B3GALT1: variants seen among roughly 807,000 people sequenced by gnomAD.
The protein encoded by B3GALT1 is UDP-Gal:betaGlcNAc beta 1,3-galactosyltransferase, polypeptide 1.
B3GALT1 carries 10 observed loss-of-function variants against 23.2 expected under a neutral mutation model. The observed-to-expected ratio is 0.43, with a 90% CI of 0.27 to 0.73. The LOEUF is 0.73. Among genes scored for constraint, B3GALT1 ranks in the 30% least tolerant of loss-of-function variants. The probability of loss-of-function intolerance (pLI) is 0.21; values close to 1 mark genes in which losing one functional copy is unlikely to be tolerated. For missense variants in B3GALT1, 299 were observed against 405.4 expected (o/e 0.74, Z 2.25); for synonymous variants, 156 against 141.5 (o/e 1.10, Z -0.73).
At chr2:167,863,990 ATGTGTGTGTGTGTGTGTGTG>A (rs34276280) in intron 4 of B3GALT1, among the ~76,000 whole-genome samples, 1 of 143,618 alleles carries the variant, frequency 7.0e-6, no homozygotes, top group Non-Finnish European at 1.5e-5. Flanking sequence ...GCATGTATGT[ATGTGTGTGTGTGTGTGTGTG>A]TGTGTGTGTG....
chr2:167,369,362 C>G (rs1574051813), intron 1 of B3GALT1, among the ~76,000 whole-genome samples: 2 of 151,888 alleles, frequency 1.3e-5, no homozygotes, highest in East Asian at 3.9e-4. Context: ...GAAATCAAAG[C>G]AAAGTTGCTC....
Position 167,509,098 on chromosome 2 carries a change from T to A in B3GALT1, c.-410+18821T>A, listed in dbSNP as rs568850379. ...GAAGAAGTGAGAAGAGCAGTCCCTT[T>A]GGAGCAAAAATACATTGCAATTTAA... On this transcript the variant is annotated intron_variant, in intron 2 of 4. Coordinates refer to ENST00000392690, the MANE Select transcript of B3GALT1 (RefSeq NM_020981.4). Among the ~76,000 whole-genome samples the A allele has an allele frequency of 2.6e-5, 4 of 152,272 alleles. No individual in the cohort carries two copies. The East Asian group carries it at 5.8e-4, about 22-fold the overall frequency.
chr2:167,742,620 C>G (rs2105277735), intron 3 of B3GALT1, among the ~76,000 whole-genome samples: 1 of 152,208 alleles, frequency 6.6e-6, no homozygotes, highest in Admixed American at 6.5e-5. Flanking sequence ...GCATCTAGAA[C>G]TTCATGCTAA....
At chr2:167,803,120 A>ACC (rs1553489043) in intron 3 of B3GALT1, among the ~76,000 whole-genome samples, 2,818 of 136,594 alleles carry the variant, frequency 0.021, 106 homozygotes, top group African/African-American at 0.068. Context: ...ACACACACAC[A>ACC]CCCCTTGGTT....
chr2:167,485,365 T>C (rs1699611864), intron 1 of B3GALT1, among the ~76,000 whole-genome samples: 1 of 152,130 alleles, frequency 6.6e-6, no homozygotes, highest in Non-Finnish European at 1.5e-5. Context: ...TGATGAGGTC[T>C]TCTGTAACTA....
chr2:167,647,328 GA>G (rs1311866366), intron 3 of B3GALT1, among the ~76,000 whole-genome samples: 1 of 152,172 alleles, frequency 6.6e-6, no homozygotes, highest in Non-Finnish European at 1.5e-5. Flanking sequence ...GCATGAACAG[GA>G]AAGGGAAGCC....
intron 3 of B3GALT1, among the ~76,000 whole-genome samples, chr2:167,757,002 C>G (rs577296314): frequency 1.3e-5 from 2 of 152,198 alleles, no homozygotes; most frequent in East Asian, 3.9e-4. Context: ...CAAATCCTAC[C>G]TCTCCTCCAC....
chr2:167,471,980 C>T (rs1699424213), intron 1 of B3GALT1, among the ~76,000 whole-genome samples: 1 of 152,160 alleles, frequency 6.6e-6, no homozygotes, highest in Non-Finnish European at 1.5e-5. Context: ...ACCACAAAAG[C>T]TCACATTTCT....
chr2:167,771,085 G>A (rs991209147), intron 3 of B3GALT1, among the ~76,000 whole-genome samples: 5 of 152,208 alleles, frequency 3.3e-5, no homozygotes, highest in African/African-American at 1.2e-4. Flanking sequence ...CTGGCTGTAT[G>A]TCCTTGGGCA....
intron 3 of B3GALT1, among the ~76,000 whole-genome samples, 75 bp from the exon 4 acceptor site, chr2:167,818,597 T>G (rs1326153728): frequency 6.6e-6 from 1 of 152,214 alleles, no homozygotes; most frequent in African/African-American, 2.4e-5. Flanking sequence ...AAAGTGGCAG[T>G]TCTGTTTTCA....
rs187709859 is a variant in B3GALT1 at position 167,500,373 on chromosome 2, T to C, written c.-410+10096T>C. Reference sequence around the variant, plus strand: ...TTTCAGTGGCACTTCTTCTAAAACATGGGTTCAATGTGACCAGTTTTATAT... The same window carrying C: ...TTTCAGTGGCACTTCTTCTAAAACACGGGTTCAATGTGACCAGTTTTATAT... On this transcript the variant is annotated intron_variant, in intron 2 of 4. Coordinates refer to ENST00000392690, the MANE Select transcript of B3GALT1 (RefSeq NM_020981.4). Among the ~76,000 whole-genome samples the C allele has an allele frequency of 1.3e-5, 2 of 152,296 alleles. 1 individual carries two copies. The highest frequency in any genetic ancestry group is 3.9e-4 in the East Asian group (2 of 5,170).
intron 1 of B3GALT1, among the ~76,000 whole-genome samples, chr2:167,374,397 T>C (rs1047745012): frequency 1.3e-5 from 2 of 152,230 alleles, no homozygotes; most frequent in African/African-American, 2.4e-5. Context: ...GATTGCTGGG[T>C]TGAATAGTAG....
intron 4 of B3GALT1, among the ~76,000 whole-genome samples, chr2:167,841,245 C>G (rs1408316203): frequency 6.6e-6 from 1 of 151,140 alleles, no homozygotes; most frequent in East Asian, 1.9e-4. Flanking sequence ...AAAGAAAAGC[C>G]TTTTTGAAAA....
chr2:167,641,168 AAAT>A (rs1290290948), intron 2 of B3GALT1, among the ~76,000 whole-genome samples: 3 of 152,222 alleles, frequency 2.0e-5, no homozygotes, highest in Admixed American at 2.0e-4. Flanking sequence ...CAGTTATCAG[AAAT>A]AATAATTACA....
chr2:167,562,211 G>A (rs1482793410), intron 2 of B3GALT1, among the ~76,000 whole-genome samples: 1 of 152,294 alleles, frequency 6.6e-6, no homozygotes, highest in African/African-American at 2.4e-5. Context: ...AAAACCACAT[G>A]ATTATCTCAA....
At chr2:167,525,787 T>TA (rs1260049225) in intron 2 of B3GALT1, among the ~76,000 whole-genome samples, 1 of 151,376 alleles carries the variant, frequency 6.6e-6, no homozygotes, top group Non-Finnish European at 1.5e-5. Flanking sequence ...TTTTTTTTTT[T>TA]TTATTTTGTA....
intron 2 of B3GALT1, among the ~76,000 whole-genome samples, chr2:167,639,762 C>A (rs1409378063): frequency 6.6e-6 from 1 of 152,016 alleles, no homozygotes; most frequent in Admixed American, 6.6e-5. Flanking sequence ...CAGATCCAGA[C>A]AACAAAGCAG....
At chr2:167,312,083 T>C (rs2105486810) in intron 1 of B3GALT1, among the ~76,000 whole-genome samples, 1 of 152,082 alleles carries the variant, frequency 6.6e-6, no homozygotes, top group South Asian at 2.1e-4. Flanking sequence ...GGAAATGTTC[T>C]TAAAGCAAAA....
chr2:167,444,922 G>A (rs1025280804), intron 1 of B3GALT1, among the ~76,000 whole-genome samples: 6 of 152,170 alleles, frequency 3.9e-5, no homozygotes, highest in Admixed American at 3.3e-4. Context: ...TGAATGTGTT[G>A]CTCTTGCTTC....
Sources: gnomAD v4.1 joint callset for allele counts (sites outside exome capture counted in the v4.1 genomes callset) on GRCh38, gnomAD v4.1.1 for gene constraint, MANE v1.5 for transcripts, NCBI Gene and HGNC (gene_info 2026-07-23, HGNC 2026-07-21) for gene names.